EYS: variants seen among roughly 807,000 people sequenced by gnomAD.
The protein encoded by EYS is EGF-like photoreceptor maintenance factor.
A neutral mutation model predicts 282.1 loss-of-function variants in EYS; 250 were observed. The observed-to-expected ratio is 0.89, with a 90% confidence interval of 0.80 to 0.98. The LOEUF (loss-of-function observed/expected upper bound fraction) is 0.98, where lower values mean the gene tolerates loss of function less well. Ranked by LOEUF, EYS falls within the 50% of genes least tolerant of loss-of-function variation. The pLI is 0.00. For synonymous variants in EYS, 1,355 were observed against 1,282.9 expected (o/e 1.06, Z -1.20); for missense variants, 4,016 against 3,709.0 (o/e 1.08, Z -2.15).
intron 26 of EYS, among the ~76,000 whole-genome samples, chr6:64,455,366 G>C (rs891834931): frequency 6.6e-6 from 1 of 151,986 alleles, no homozygotes; most frequent in African/African-American, 2.4e-5. Context: ...TTCTTTTCTT[G>C]TTTTGATTTT....
chr6:64,106,680 T>C (rs1191907755), intron 31 of EYS, among the ~76,000 whole-genome samples: 1 of 151,880 alleles, frequency 6.6e-6, no homozygotes, highest in Non-Finnish European at 1.5e-5. Context: ...TCGTGCTTGG[T>C]GTTCTTTGGG....
At position 65,538,934 on chromosome 6, in the gene EYS, T is replaced by C. The variant is rs547835725; in HGVS notation, c.-332-42941A>G. 4.6e-5 allele frequency among the ~76,000 whole-genome samples: 7 copies of C among 152,278 alleles called. No individual in the cohort carries two copies. In the South Asian group the frequency reaches 1.4e-3, roughly 32 times the overall value. ...ATCCTCAGGGACTGAAAACACAATT[T>C]CTGTTAATATTCTGGCAACAAGTTT... is the stretch of plus-strand genomic sequence containing the variant. On this transcript the variant is annotated intron_variant, in intron 2 of 42. Transcript: ENST00000503581.
chr6:64,384,783 C>T (rs1772857739), intron 29 of EYS, among the ~76,000 whole-genome samples: 1 of 152,156 alleles, frequency 6.6e-6, no homozygotes. Flanking sequence ...CAGAGTTTTT[C>T]ACACCCCAGG....
chr6:64,235,282 G>T (rs1266232145), intron 30 of EYS, among the ~76,000 whole-genome samples: 17 of 131,152 alleles, frequency 1.3e-4, no homozygotes, highest in African/African-American at 3.0e-4. Context: ...ATGTTCCCCT[G>T]CCTGTGTCCA....
chr6:64,022,090 G>A (rs1053031359), intron 33 of EYS, among the ~76,000 whole-genome samples: 12 of 152,080 alleles, frequency 7.9e-5, no homozygotes, highest in Non-Finnish European at 1.8e-4. Context: ...TTATCTGTGA[G>A]TTTAAGTCCT....
intron 1 of EYS, among the ~76,000 whole-genome samples, chr6:65,660,285 AC>A (rs1359033160): frequency 2.0e-5 from 3 of 151,678 alleles, no homozygotes; most frequent in Admixed American, 1.3e-4. Flanking sequence ...ATAATCTTAA[AC>A]TATTTTCTCT....
At chr6:65,406,746 A>C (rs962564961) in intron 5 of EYS, among the ~76,000 whole-genome samples, 2 of 152,200 alleles carry the variant, frequency 1.3e-5, no homozygotes, top group South Asian at 2.1e-4. Context: ...TTTATGTGCA[A>C]TAAAGTTGCA....
chr6:64,910,417 C>T (rs552672390), intron 16 of EYS, among the ~76,000 whole-genome samples: 129 of 152,010 alleles, frequency 8.5e-4, no homozygotes, highest in Non-Finnish European at 2.8e-4. Context: ...ACTAAAGACA[C>T]GTTATTACAG....
At chr6:63,805,978 A>T (rs1350316594) in intron 37 of EYS, among the ~76,000 whole-genome samples, 1 of 152,220 alleles carries the variant, frequency 6.6e-6, no homozygotes, top group Non-Finnish European at 1.5e-5. Flanking sequence ...TGACTAATAC[A>T]GTAGCCCTGA....
At chr6:64,873,779 A>G (rs1320798421) in intron 19 of EYS, among the ~76,000 whole-genome samples, 1 of 152,084 alleles carries the variant, frequency 6.6e-6, no homozygotes, top group Non-Finnish European at 1.5e-5. Context: ...ACATAAATAA[A>G]AAAACATCAT....
chr6:64,698,414 A>T (rs7764899), intron 22 of EYS, among the ~76,000 whole-genome samples: 104,510 of 151,972 alleles, frequency 0.69, 36,996 homozygotes, highest in Non-Finnish European at 0.78. Context: ...ACAAAATTAA[A>T]AGACCATCAG....
At chr6:65,459,910 T>C (rs1425168160) in intron 5 of EYS, among the ~76,000 whole-genome samples, 3 of 148,268 alleles carry the variant, frequency 2.0e-5, no homozygotes, top group Non-Finnish European at 4.5e-5. Context: ...TACTACTGTA[T>C]CTTTTCTTAT....
chr6:65,619,766 G>A (rs1290974074), intron 2 of EYS, among the ~76,000 whole-genome samples: 6 of 151,228 alleles, frequency 4.0e-5, no homozygotes, highest in African/African-American at 1.5e-4. Context: ...AGCATGAAGG[G>A]TTGTTGAATT....
At chr6:65,110,878 T>TA (rs1245265020) in intron 12 of EYS, among the ~76,000 whole-genome samples, 1 of 152,090 alleles carries the variant, frequency 6.6e-6, no homozygotes, top group Non-Finnish European at 1.5e-5. Context: ...AGAAAGATAG[T>TA]AATAACTCCG....
intron 14 of EYS, among the ~76,000 whole-genome samples, chr6:64,967,771 G>A (rs1356157539): frequency 6.6e-6 from 1 of 152,154 alleles, no homozygotes; most frequent in Non-Finnish European, 1.5e-5. Flanking sequence ...GAAGGCAGGT[G>A]CTAAATTTCA....
In EYS at chr6:65,203,620, T is replaced by G. The variant is rs908412016; in HGVS notation, c.2023+92243A>C. On this transcript the variant is annotated intron_variant, in intron 12 of 42. Transcript: ENST00000503581. ...AATTTAAAAATAATAAATGACAGCA[T>G]CTACATATGAAAAGAAACCAGTCCA... 2.0e-5 allele frequency among the ~76,000 whole-genome samples: 3 copies of G among 152,154 alleles called. No homozygotes were observed. In the East Asian group the frequency reaches 5.8e-4, roughly 29 times the overall value.
intron 41 of EYS, among the ~76,000 whole-genome samples, chr6:63,742,354 G>T (rs527983185): frequency 6.6e-6 from 1 of 152,206 alleles, no homozygotes; most frequent in South Asian, 2.1e-4. Flanking sequence ...AGCTACTTTG[G>T]ATGTGGGTCA....
At chr6:64,247,990 C>A (rs1161370822) in intron 30 of EYS, among the ~76,000 whole-genome samples, 1 of 152,040 alleles carries the variant, frequency 6.6e-6, no homozygotes, top group Non-Finnish European at 1.5e-5. Flanking sequence ...TAAGAACTAT[C>A]AATAAGAACA....
At chr6:65,093,752 A>T (rs1774640950) in intron 12 of EYS, among the ~76,000 whole-genome samples, 1 of 151,864 alleles carries the variant, frequency 6.6e-6, no homozygotes, top group East Asian at 1.9e-4. Context: ...ATAAGTTTTT[A>T]AAATTTTAAT....
Sources: gnomAD v4.1 joint callset for allele counts (sites outside exome capture counted in the v4.1 genomes callset) on GRCh38, gnomAD v4.1.1 for gene constraint, MANE v1.5 for transcripts, NCBI Gene and HGNC (gene_info 2026-07-23, HGNC 2026-07-21) for gene names.